The following RIT2 variants were observed in gnomAD, a reference collection of about 807,000 sequenced individuals.
RIT2 encodes Ras like without CAAX 2, also known as GTP-binding protein Rit2.
In RIT2, 24 loss-of-function variants were observed where a neutral mutation model predicts 23.7. The observed-to-expected ratio is 1.01, with a 90% CI of 0.73 to 1.43. The LOEUF (loss-of-function observed/expected upper bound fraction) is 1.43. Among genes scored for constraint, RIT2 ranks in the 40% most tolerant of loss-of-function variants. The probability of loss-of-function intolerance (pLI) is 0.00; values close to 1 mark genes in which losing one functional copy is unlikely to be tolerated. For synonymous variants in RIT2, 107 were observed against 91.1 expected (o/e 1.17, Z -0.99); for missense variants, 236 against 266.9 (o/e 0.88, Z 0.81).
chr18:43,026,876 C>CA (rs1350318463), intron 2 of RIT2, among the ~76,000 whole-genome samples: 1 of 151,806 alleles, frequency 6.6e-6, no homozygotes, highest in Non-Finnish European at 1.5e-5. Flanking sequence ...ACACTGAAGA[C>CA]AATCACCAAT....
intron 1 of RIT2, among the ~76,000 whole-genome samples, chr18:43,048,146 G>T (rs1942576051): frequency 6.6e-6 from 1 of 152,172 alleles, no homozygotes; most frequent in Non-Finnish European, 1.5e-5. Flanking sequence ...TTTTAAGCCA[G>T]TTCCTTTAAC....
chr18:43,088,280 C>T (rs374711712), intron 1 of RIT2, among the ~76,000 whole-genome samples: 89 of 152,210 alleles, frequency 5.8e-4, no homozygotes, highest in African/African-American at 2.0e-3. Flanking sequence ...CCAACATTTA[C>T]AAAAAGAGAA....
At chr18:42,900,259 G>A (rs1908440023) in intron 4 of RIT2, among the ~76,000 whole-genome samples, 1 of 151,946 alleles carries the variant, frequency 6.6e-6, no homozygotes, top group Admixed American at 6.6e-5. Context: ...AACCTCACAT[G>A]TGTCAGATAT....
intron 1 of RIT2, among the ~76,000 whole-genome samples, chr18:43,077,731 C>G (rs1288893963): frequency 6.6e-6 from 1 of 152,188 alleles, no homozygotes; most frequent in Non-Finnish European, 1.5e-5. Flanking sequence ...TGCCCACCAC[C>G]TGTCACCATG....
intron 2 of RIT2, among the ~76,000 whole-genome samples, chr18:42,974,646 C>A (rs1031855041): frequency 2.6e-5 from 4 of 151,988 alleles, no homozygotes; most frequent in African/African-American, 9.7e-5. Flanking sequence ...TGTTCACAGA[C>A]AACATGATCT....
At chr18:43,059,034 C>T (rs1044383774) in intron 1 of RIT2, among the ~76,000 whole-genome samples, 23 of 152,030 alleles carry the variant, frequency 1.5e-4, no homozygotes, top group Non-Finnish European at 1.8e-4. Flanking sequence ...ACACCAAAAA[C>T]GAGCTTGCAC....
At chr18:42,767,931 C>G (rs1241440846) in intron 4 of RIT2, among the ~76,000 whole-genome samples, 3 of 152,082 alleles carry the variant, frequency 2.0e-5, no homozygotes, top group African/African-American at 7.2e-5. Flanking sequence ...GATTTTGAAG[C>G]CTCCCCAGCC....
Position 42,772,311 on chromosome 18 carries a change from G to A in RIT2, c.427-28591C>T, listed in dbSNP as rs997360415. Among the ~76,000 whole-genome samples the A allele has an allele frequency of 3.9e-5, 6 of 152,146 alleles. No homozygotes were observed. The East Asian group carries it at 1.2e-3, about 29-fold the overall frequency. On this transcript the variant is annotated intron_variant, in intron 4 of 4. Transcript: ENST00000326695. ...ACACACTTGCTCACTGTTCTCAATGGCAATATTTTGACCCTAATAGTTTTT... is the reference window on the plus strand; with the variant it reads ...ACACACTTGCTCACTGTTCTCAATGACAATATTTTGACCCTAATAGTTTTT...
At chr18:43,017,354 A>C (rs1911498535) in intron 2 of RIT2, among the ~76,000 whole-genome samples, 1 of 150,148 alleles carries the variant, frequency 6.7e-6, no homozygotes, top group South Asian at 2.1e-4. Flanking sequence ...GCTTATTAGG[A>C]GTCAATAAAT....
Position 43,029,930 on chromosome 18 carries a change from A to G in RIT2, c.160+3881T>C, listed in dbSNP as rs545358585. Among the ~76,000 whole-genome samples, 14 of 152,136 alleles carry G rather than the reference A, an allele frequency of 9.2e-5. No individual in the cohort carries two copies. The South Asian group carries it at 2.9e-3, about 32-fold the overall frequency. ...ACCACTAGAACACCTTTGATTAGTTATTAGTTTAGTTGCTCACCAGGACTC... is the reference window on the plus strand; with the variant it reads ...ACCACTAGAACACCTTTGATTAGTTGTTAGTTTAGTTGCTCACCAGGACTC... On this transcript the variant is annotated intron_variant, in intron 2 of 4. Coordinates refer to ENST00000326695, the MANE Select transcript of RIT2 (RefSeq NM_002930.4).
intron 4 of RIT2, among the ~76,000 whole-genome samples, chr18:42,912,604 A>G (rs78492259): frequency 0.028 from 4,309 of 152,068 alleles, 209 homozygotes; most frequent in East Asian, 0.16. Context: ...TGAATACACA[A>G]AATGCAATTG....
At chr18:42,837,148 T>TTTTTC (rs1555641141) in intron 4 of RIT2, among the ~76,000 whole-genome samples, 1,954 of 111,788 alleles carry the variant, frequency 0.017, 40 homozygotes, top group Middle Eastern at 0.037. Context: ...TTTTTTTTTC[T>TTTTTC]TTTTCTTTTT....
chr18:42,821,763 T>C (rs1906156942), intron 4 of RIT2, among the ~76,000 whole-genome samples: 1 of 152,150 alleles, frequency 6.6e-6, no homozygotes, highest in Non-Finnish European at 1.5e-5. Context: ...AGTAAATACT[T>C]ACTAATTACA....
At chr18:43,027,204 G>C (rs547141490) in intron 2 of RIT2, among the ~76,000 whole-genome samples, 255 of 152,144 alleles carry the variant, frequency 1.7e-3, no homozygotes, top group Non-Finnish European at 3.3e-3. Flanking sequence ...AGAGTTGATT[G>C]AATAAAGTAT....
At position 42,936,448 on chromosome 18, in the gene RIT2, T is replaced by C. The variant is rs149005585; in HGVS notation, c.235-12685A>G. On this transcript the variant is annotated intron_variant, in intron 3 of 4. Transcript: ENST00000326695. Reference sequence around the variant, plus strand: ...AAACAACACAGAAAAGTTCAAGAGATTGTTGTTAATGATGTTGTTTCAGTT... The same window carrying C: ...AAACAACACAGAAAAGTTCAAGAGACTGTTGTTAATGATGTTGTTTCAGTT... Among the ~76,000 whole-genome samples, 4 of 152,254 alleles carry C rather than the reference T, an allele frequency of 2.6e-5. No homozygotes were observed. The East Asian group carries it at 5.8e-4, about 22-fold the overall frequency.
chr18:42,788,174 G>T (rs371562442), intron 4 of RIT2, among the ~76,000 whole-genome samples: 2 of 151,956 alleles, frequency 1.3e-5, no homozygotes, highest in Non-Finnish European at 2.9e-5. Context: ...TTCCAAATGC[G>T]TCTGGTTTAA....
chr18:42,882,167 C>T lies in RIT2; in HGVS notation c.426+41405G>A, dbSNP rs139737878. Among the ~76,000 whole-genome samples the T allele has an allele frequency of 3.8e-3, 577 of 152,232 alleles. 1 individual carries two copies. Among genetic ancestry groups the T allele is most frequent in the Non-Finnish European group, 5.5e-3 (373 of 68,016 alleles). ...GCTGGGTACTAAGATACAGGCTTAA[C>T]GGATTAGTATTCAAGATGGAAAATC... On this transcript the variant is annotated intron_variant, in intron 4 of 4. Transcript: ENST00000326695.
intron 2 of RIT2, among the ~76,000 whole-genome samples, chr18:42,977,020 G>A (rs1242537174): frequency 1.3e-5 from 2 of 152,014 alleles, no homozygotes; most frequent in African/African-American, 4.8e-5. Flanking sequence ...GGGCAGATGG[G>A]TATGACATTT....
intron 4 of RIT2, among the ~76,000 whole-genome samples, chr18:42,785,166 C>G (rs568757375): frequency 6.6e-6 from 1 of 151,974 alleles, no homozygotes; most frequent in African/African-American, 2.4e-5. Flanking sequence ...GTCATCAAAC[C>G]CTATTTTCCA....
Sources: gnomAD v4.1 joint callset for allele counts (sites outside exome capture counted in the v4.1 genomes callset) on GRCh38, gnomAD v4.1.1 for gene constraint, MANE v1.5 for transcripts, NCBI Gene and HGNC (gene_info 2026-07-23, HGNC 2026-07-21) for gene names.